Variants in MTMR12 observed in about 807,000 individuals in gnomAD.
MTMR12 encodes myotubularin related protein 12, also known as myotubularin-related protein 12.
MTMR12 carries 33 observed loss-of-function variants against 96.7 expected under a neutral mutation model. The observed-to-expected ratio is 0.34, with a 90% CI of 0.26 to 0.46. The LOEUF is 0.46. Among genes scored for constraint, MTMR12 ranks in the 20% least tolerant of loss-of-function variants. The pLI is 1.00. For synonymous variants in MTMR12, 298 were observed against 327.2 expected, an observed-to-expected ratio of 0.91 and a Z score of 0.96; for missense variants, 721 against 896.1, an observed-to-expected ratio of 0.80 and a Z score of 2.49.
At position 32,255,830 on chromosome 5, in the gene MTMR12, C is replaced by T. The variant is rs930985941; in HGVS notation, c.714-62G>A. The T allele has an allele frequency of 2.9e-6, 4 of 1,382,734 alleles. No homozygotes were observed. The African/African-American group carries it at 5.7e-5, about 20-fold the overall frequency. The allele number at this position is 1,382,734 out of a possible 1,614,324, so 85.7% of individuals were successfully genotyped here. A position where few individuals can be genotyped will look rare whatever the true frequency, so the allele number is the denominator to read the frequency against. On this transcript the variant is annotated intron_variant, in intron 7 of 15. Coordinates refer to ENST00000382142, the MANE Select transcript of MTMR12 (RefSeq NM_001040446.3). ...ACTTAATTCACAAAATATGAAAGCT[C>T]AACTTCAATGGATACGATGAATACA...
intron 7 of MTMR12, among the ~76,000 whole-genome samples, chr5:32,259,303 C>T (rs1421470687): frequency 1.3e-5 from 2 of 152,220 alleles, no homozygotes; most frequent in Non-Finnish European, 2.9e-5. Context: ...CACAGGGCCA[C>T]ATACCATCCT....
At chr5:32,289,844 G>A (rs1750677586) in intron 1 of MTMR12, among the ~76,000 whole-genome samples, 1 of 152,192 alleles carries the variant, frequency 6.6e-6, no homozygotes, top group Admixed American at 6.5e-5. Flanking sequence ...CCTCTACCTA[G>A]AAAAATAGTA....
At chr5:32,265,000 G>A (rs1457537460) in intron 6 of MTMR12, among the ~76,000 whole-genome samples, 1 of 151,452 alleles carries the variant, frequency 6.6e-6, no homozygotes, top group Non-Finnish European at 1.5e-5. Context: ...ATGGATATAA[G>A]GTAGTAACAA....
intron 1 of MTMR12, among the ~76,000 whole-genome samples, chr5:32,289,435 A>G (rs2112126739): frequency 6.6e-6 from 1 of 152,296 alleles, no homozygotes; most frequent in Non-Finnish European, 1.5e-5. Flanking sequence ...CACATTACCA[A>G]CAATTTACGC....
intron 2 of MTMR12, among the ~76,000 whole-genome samples, chr5:32,275,811 C>T (rs1191462358): frequency 1.3e-5 from 2 of 151,952 alleles, no homozygotes; most frequent in Non-Finnish European, 2.9e-5. Context: ...TAAGTCATCA[C>T]TATAGAAAAA....
rs183363582 is a variant in MTMR12, at chr5:32,271,338, C to T, written c.359-391G>A. ...GACCCCTGCTGAGACCCCCTACTGT[C>T]CCAGAATGTGGACCCACTCAGCACC... On this transcript the variant is annotated intron_variant, in intron 4 of 15. Transcript: ENST00000382142. Among the ~76,000 whole-genome samples the T allele has an allele frequency of 3.9e-5, 6 of 152,306 alleles. No homozygotes were observed. In the East Asian group the frequency reaches 1.2e-3, roughly 29 times the overall value.
intron 1 of MTMR12, among the ~76,000 whole-genome samples, chr5:32,298,156 T>C (rs966779232): frequency 6.6e-5 from 10 of 151,890 alleles, no homozygotes; most frequent in African/African-American, 2.4e-4. Context: ...TGTGTGGGCA[T>C]CTGGGGGTGG....
At chr5:32,234,870 G>A (rs1398287269) in intron 14 of MTMR12, 92 bp downstream of exon 14, 61 of 1,270,370 alleles carry the variant, frequency 4.8e-5, no homozygotes, top group Non-Finnish European at 6.3e-5. Context: ...GCTGCCAAGT[G>A]AGCACCATTT....
At chr5:32,262,832 A>G (rs893291914) in intron 7 of MTMR12, among the ~76,000 whole-genome samples, 6 of 152,230 alleles carry the variant, frequency 3.9e-5, no homozygotes, top group Non-Finnish European at 7.3e-5. Context: ...AAGTCATAAA[A>G]GATCACATAT....
rs1313523633 is a variant in MTMR12 at position 32,228,562 on chromosome 5, TATATATC to T, written c.*1209_*1215del. 1.1e-3 allele frequency: 145 copies of T among 129,506 alleles called. No individual in the cohort carries two copies. The highest frequency in any genetic ancestry group is 3.7e-3 in the Middle Eastern group (1 of 270). The allele number at this position is 129,506 out of a possible 1,614,324, so 8.0% of individuals were successfully genotyped here. On this transcript the variant is annotated 3_prime_UTR_variant, in exon 16 of 16. Transcript: ENST00000382142. ...ATATATATCATATATATGTGATATATATATATCATATATATATCATATATATGTGATA... is the reference window on the plus strand; with the variant it reads ...ATATATATCATATATATGTGATATATATATATATATCATATATATGTGATA...
chr5:32,248,784 C>A lies in MTMR12; in HGVS notation c.884G>T (p.Ser295Ile), dbSNP rs779702456. The stretch of plus-strand genomic sequence containing the variant: ...AACTAGTACTGACCCATCTAAGAAG[C>A]TCTTTTGGATTTGTAAAATGCCGTC... ...QDDGILQIQK[S>I]FLDGIYKTIH... Residue 295 changes from serine (S) to isoleucine (I), a missense_variant, in exon 9 of 16, where the codon AGC becomes ATC. Coordinates refer to ENST00000382142, the MANE Select transcript of MTMR12 (RefSeq NM_001040446.3). The A allele has an allele frequency of 6.2e-7, 1 of 1,613,978 alleles. No homozygotes were observed. Among genetic ancestry groups the A allele is most frequent in the Non-Finnish European group, 8.5e-7 (1 of 1,179,850 alleles).
chr5:32,297,650 T>G (rs561053418), intron 1 of MTMR12, among the ~76,000 whole-genome samples: 2 of 152,184 alleles, frequency 1.3e-5, no homozygotes, highest in Non-Finnish European at 2.9e-5. Context: ...TGAAGTGCAG[T>G]GAAAGCATTA....
At chr5:32,283,948 G>A (rs1356689528) in intron 1 of MTMR12, among the ~76,000 whole-genome samples, 7 of 152,106 alleles carry the variant, frequency 4.6e-5, no homozygotes, top group Non-Finnish European at 8.8e-5. Context: ...CTCCAGGAAA[G>A]GCTCTAACCA....
intron 1 of MTMR12, among the ~76,000 whole-genome samples, chr5:32,308,793 C>T (rs1354670853): frequency 2.0e-5 from 3 of 151,920 alleles, no homozygotes; most frequent in Admixed American, 6.6e-5. Context: ...TTAGTAGAGA[C>T]GGGGTTTCAC....
intron 2 of MTMR12, among the ~76,000 whole-genome samples, chr5:32,274,787 A>C (rs1561784261): frequency 6.6e-6 from 1 of 151,930 alleles, no homozygotes; most frequent in Admixed American, 6.6e-5. Flanking sequence ...TCAATGCGTC[A>C]CCTCTCCTCC....
intron 12 of MTMR12, among the ~76,000 whole-genome samples, 180 bp from the exon 13 acceptor site, chr5:32,239,353 T>G (rs1282336553): frequency 1.3e-5 from 2 of 152,262 alleles, no homozygotes; most frequent in African/African-American, 4.8e-5. Context: ...GTTTTCAGAC[T>G]GAGACATGAA....
chr5:32,229,914 G>A lies in MTMR12; in HGVS notation c.2108C>T (p.Ser703Leu), dbSNP rs775448720. ...PCLLRNSARL[S>L]SLFPFALLQR... Reference sequence around the variant, plus strand: ...GAGCAGAGCGAAAGGAAACAAAGACGAGAGGCGGGCAGAGTTCCTCAGCAG... The same window carrying A: ...GAGCAGAGCGAAAGGAAACAAAGACAAGAGGCGGGCAGAGTTCCTCAGCAG... Residue 703 changes from serine (S) to leucine (L), a missense_variant, in exon 16 of 16, where the codon TCG (serine) becomes TTG (leucine). Physicochemically the swap from Ser to Leu is moderately radical, Grantham distance 145. Coordinates refer to ENST00000382142, the MANE Select transcript of MTMR12 (RefSeq NM_001040446.3). The A allele has an allele frequency of 1.3e-5, 21 of 1,612,982 alleles. No homozygotes were observed. In the East Asian group the frequency reaches 2.5e-4, roughly 19 times the overall value.
intron 8 of MTMR12, among the ~76,000 whole-genome samples, chr5:32,252,779 G>GT (rs1748987878): frequency 6.6e-6 from 1 of 152,166 alleles, no homozygotes; most frequent in Admixed American, 6.5e-5. Flanking sequence ...TTTGTTTTAT[G>GT]TTTTTGCAAA....
intron 13 of MTMR12, among the ~76,000 whole-genome samples, chr5:32,236,644 C>T (rs560805593): frequency 6.6e-6 from 1 of 152,092 alleles, no homozygotes; most frequent in Admixed American, 6.6e-5. Context: ...GAGTTCGATA[C>T]CTGACCAACA....
Sources: allele counts gnomAD v4.1 joint callset (sites outside exome capture counted in the v4.1 genomes callset), GRCh38; gene constraint gnomAD v4.1.1; transcripts MANE v1.5; gene names NCBI Gene and HGNC (gene_info 2026-07-23, HGNC 2026-07-21).